Variants in SDK1 observed in about 807,000 individuals in gnomAD.
The protein encoded by SDK1 is protein sidekick-1.
Under a neutral mutation model 245.5 loss-of-function variants are expected in SDK1, and 157 were observed. That is an observed-to-expected ratio of 0.64 (90% CI 0.56 to 0.73). The LOEUF (loss-of-function observed/expected upper bound fraction) is 0.73, where lower values mean the gene tolerates loss of function less well. SDK1 is among the 30% of genes least tolerant of loss of function. SDK1 has a pLI of 0.00. For synonymous variants in SDK1, 1,647 were observed against 1,278.5 expected (o/e 1.29, Z -6.15); for missense variants, 3,583 against 3,002.3 (o/e 1.19, Z -4.52).
intron 20 of SDK1, among the ~76,000 whole-genome samples, chr7:4,073,449 A>G (rs1183660445): frequency 6.6e-6 from 1 of 152,210 alleles, no homozygotes; most frequent in Non-Finnish European, 1.5e-5. Context: ...GATCCTAATA[A>G]ATTCTATCAA....
chr7:3,565,848 A>AT (rs1779898125), intron 1 of SDK1, among the ~76,000 whole-genome samples: 1 of 152,164 alleles, frequency 6.6e-6, no homozygotes, highest in African/African-American at 2.4e-5. Flanking sequence ...TACAAATGCA[A>AT]TTTTTTCCGA....
chr7:3,447,112 C>G (rs1057158781), intron 1 of SDK1, among the ~76,000 whole-genome samples: 1 of 152,138 alleles, frequency 6.6e-6, no homozygotes, highest in Non-Finnish European at 1.5e-5. Context: ...GAATACATCT[C>G]ATTTAAGAAG....
intron 4 of SDK1, among the ~76,000 whole-genome samples, chr7:3,768,361 C>T (rs996245687): frequency 2.6e-5 from 4 of 152,148 alleles, no homozygotes; most frequent in Non-Finnish European, 5.9e-5. Context: ...ATAAATACAG[C>T]CGATTGAGCA....
chr7:4,113,782 A>G (rs1278682647), intron 24 of SDK1, among the ~76,000 whole-genome samples: 1 of 152,240 alleles, frequency 6.6e-6, no homozygotes, highest in African/African-American at 2.4e-5. Context: ...CTGATATTTA[A>G]TCAGAACATT....
intron 14 of SDK1, among the ~76,000 whole-genome samples, chr7:4,006,933 G>A (rs532958286): frequency 7.7e-4 from 118 of 152,374 alleles, no homozygotes; most frequent in African/African-American, 2.3e-3. Flanking sequence ...GGAAAGCGGC[G>A]TCTCCAGGCT....
At chr7:4,132,608 G>T in intron 28 of SDK1, 185 bp downstream of exon 28, 1 of 518,006 alleles carries the variant, frequency 1.9e-6, no homozygotes, top group South Asian at 2.1e-5. Flanking sequence ...GCACCTGTTG[G>T]TCCCAGCTAC....
chr7:4,206,157 T>A (rs1338760137), intron 36 of SDK1, among the ~76,000 whole-genome samples, 163 bp downstream of exon 36: 1 of 152,238 alleles, frequency 6.6e-6, no homozygotes, highest in Non-Finnish European at 1.5e-5. Context: ...TTAACTGTGG[T>A]CACAGCTGCT....
At chr7:3,402,058 T>A (rs1176317204) in intron 1 of SDK1, among the ~76,000 whole-genome samples, 3 of 152,172 alleles carry the variant, frequency 2.0e-5, no homozygotes, top group African/African-American at 7.2e-5. Context: ...CCTGTCCTCA[T>A]GGAACTCAAT....
intron 4 of SDK1, among the ~76,000 whole-genome samples, chr7:3,676,387 G>T (rs143586158): frequency 1.3e-5 from 2 of 148,198 alleles, no homozygotes; most frequent in African/African-American, 5.0e-5. Context: ...GTGCAGTGGC[G>T]CAGTCTCAGC....
At chr7:3,373,528 A>T (rs567480399) in intron 1 of SDK1, among the ~76,000 whole-genome samples, 41 of 152,322 alleles carry the variant, frequency 2.7e-4, no homozygotes, top group African/African-American at 8.9e-4. Flanking sequence ...AACATAGTCA[A>T]AGGTGTGTTG....
At chr7:3,716,428 A>G (rs1206661955) in intron 4 of SDK1, among the ~76,000 whole-genome samples, 1 of 152,220 alleles carries the variant, frequency 6.6e-6, no homozygotes, top group Non-Finnish European at 1.5e-5. Flanking sequence ...TCAACCATGA[A>G]TTCTGTATTT....
intron 1 of SDK1, among the ~76,000 whole-genome samples, chr7:3,405,381 A>G (rs1241141144): frequency 1.3e-5 from 2 of 152,152 alleles, no homozygotes; most frequent in Non-Finnish European, 1.5e-5. Flanking sequence ...GATTTTAAAC[A>G]CTGAAGTGCC....
At chr7:3,710,868 A>G (rs1289175213) in intron 4 of SDK1, among the ~76,000 whole-genome samples, 1 of 152,226 alleles carries the variant, frequency 6.6e-6, no homozygotes, top group African/African-American at 2.4e-5. Context: ...TGAATGTTGC[A>G]TCATTAACAA....
At position 4,265,396 on chromosome 7, in the gene SDK1, C is replaced by T; in HGVS notation, c.*12C>T. On this transcript the variant is annotated 3_prime_UTR_variant, in exon 45 of 45. Coordinates refer to ENST00000404826, the MANE Select transcript of SDK1 (RefSeq NM_152744.4). ...CCTCCTTCGTGTGAGCAAAGCGCCG[C>T]GCCTCCCTCAGGGCGGAACGGAGGC... The T allele has an allele frequency of 1.4e-6, 2 of 1,423,236 alleles. No individual in the cohort carries two copies. The highest frequency in any genetic ancestry group is 1.8e-6 in the Non-Finnish European group (2 of 1,099,014). 88.2% of individuals were successfully genotyped at this position (1,423,236 alleles called of 1,614,324 possible).
Position 4,118,537 on chromosome 7 carries a change from G to GC in SDK1, c.3823+4264dup, listed in dbSNP as rs1041240436. On this transcript the variant is annotated intron_variant, in intron 25 of 44. Coordinates refer to ENST00000404826, the MANE Select transcript of SDK1 (RefSeq NM_152744.4). ...CAGTTGGCATTCCTCAGGAGGTTGA[G>GC]CAGGGAGTCACCATACGACAAAGCA... Among the ~76,000 whole-genome samples the GC allele has an allele frequency of 3.5e-4, 53 of 152,320 alleles. 1 individual carries two copies. Among genetic ancestry groups the GC allele is most frequent in the African/African-American group, 1.2e-3 (50 of 41,580 alleles).
intron 4 of SDK1, among the ~76,000 whole-genome samples, chr7:3,812,145 G>C (rs1261316229): frequency 2.0e-5 from 3 of 152,226 alleles, no homozygotes; most frequent in African/African-American, 7.2e-5. Flanking sequence ...AGTAGGCACT[G>C]CAAAGATATT....
At chr7:3,556,872 G>A (rs182802094) in intron 1 of SDK1, among the ~76,000 whole-genome samples, 5 of 152,160 alleles carry the variant, frequency 3.3e-5, no homozygotes, top group East Asian at 1.9e-4. Flanking sequence ...TAGTACTTAC[G>A]TGATGGATAC....
intron 1 of SDK1, among the ~76,000 whole-genome samples, chr7:3,379,891 A>C (rs755822421): frequency 7.9e-5 from 12 of 152,194 alleles, no homozygotes; most frequent in Non-Finnish European, 1.3e-4. Context: ...TGGGATGCTC[A>C]GCTAGTTGAT....
chr7:3,695,807 G>T lies in SDK1; in HGVS notation c.713+53702G>T, dbSNP rs1222497915. Among the ~76,000 whole-genome samples the T allele has an allele frequency of 2.6e-5, 4 of 152,174 alleles. No individual in the cohort carries two copies. In the South Asian group the frequency reaches 8.3e-4, roughly 32 times the overall value. On this transcript the variant is annotated intron_variant, in intron 4 of 44. Transcript: ENST00000404826. ...CCGCTAGACGTAGCCTGTATGTGCAGTAGAGGGCAGAGGAAGACCAGCAGT... is the reference window on the plus strand; with the variant it reads ...CCGCTAGACGTAGCCTGTATGTGCATTAGAGGGCAGAGGAAGACCAGCAGT...
Sources: gnomAD v4.1 joint callset for allele counts (sites outside exome capture counted in the v4.1 genomes callset) on GRCh38, gnomAD v4.1.1 for gene constraint, MANE v1.5 for transcripts, NCBI Gene and HGNC (gene_info 2026-07-23, HGNC 2026-07-21) for gene names.